LRRC7: variants seen among roughly 807,000 people sequenced by gnomAD.
The protein encoded by LRRC7 is leucine rich repeat containing 7.
In LRRC7, 23 loss-of-function variants were observed where a neutral mutation model predicts 175.7. That is an observed-to-expected ratio of 0.13 (90% CI 0.09 to 0.19). The LOEUF (loss-of-function observed/expected upper bound fraction) is 0.19, where lower values mean the gene tolerates loss of function less well. LRRC7 is among the 10% of genes least tolerant of loss of function. LRRC7 has a pLI of 1.00. For missense variants in LRRC7, 1,354 were observed against 1,904.7 expected, an observed-to-expected ratio of 0.71 and a Z score of 5.38; for synonymous variants, 685 against 680.9, an observed-to-expected ratio of 1.01 and a Z score of -0.09.
rs112290530 is a variant in LRRC7, at chr1:69,975,452, C to T, written c.712-4927C>T. Among the ~76,000 whole-genome samples the T allele has an allele frequency of 4.2e-3, 645 of 152,274 alleles. 5 individuals are homozygous for T. The highest frequency in any genetic ancestry group is 0.015 in the African/African-American group (611 of 41,548). ...CTTCTTCCACTTCTGTCTGTCCCCT[C>T]GCTCCTGCTACACTCCTCTCCGACC... On this transcript the variant is annotated intron_variant, in intron 8 of 26. Coordinates refer to ENST00000651989, the MANE Select transcript of LRRC7 (RefSeq NM_001370785.2).
chr1:70,036,716 G>C (rs773524668), intron 20 of LRRC7, 92 bp downstream of exon 20: 7 of 1,355,626 alleles, frequency 5.2e-6, no homozygotes, highest in African/African-American at 1.5e-5. Context: ...AATTGTATTC[G>C]GCACACAAGT....
At chr1:69,631,003 A>T (rs570318274) in intron 1 of LRRC7, among the ~76,000 whole-genome samples, 34 of 152,104 alleles carry the variant, frequency 2.2e-4, no homozygotes, top group African/African-American at 8.2e-4. Flanking sequence ...GTGTACATTG[A>T]CTGCCTGCAC....
Position 70,090,551 on chromosome 1 carries a change from C to T in LRRC7, c.4545+732C>T, listed in dbSNP as rs146982247. On this transcript the variant is annotated intron_variant, in intron 25 of 26. Coordinates refer to ENST00000651989, the MANE Select transcript of LRRC7 (RefSeq NM_001370785.2). ...GTTTACCTGGAGCTATAGAACCTGCCCTGCTACCATCAGTGTTTAATACTC... is the reference window on the plus strand; with the variant it reads ...GTTTACCTGGAGCTATAGAACCTGCTCTGCTACCATCAGTGTTTAATACTC... Among the ~76,000 whole-genome samples the T allele has an allele frequency of 3.1e-3, 474 of 152,048 alleles. 3 individuals carry two copies. The highest frequency in any genetic ancestry group is 0.011 in the African/African-American group (440 of 41,460).
chr1:69,586,079 C>A (rs144196432), intron 1 of LRRC7, among the ~76,000 whole-genome samples: 1 of 152,252 alleles, frequency 6.6e-6, no homozygotes, highest in African/African-American at 2.4e-5. Flanking sequence ...GTACCAAGAG[C>A]TAGTCTGATA....
At chr1:69,817,676 G>A (rs1678760468) in intron 4 of LRRC7, among the ~76,000 whole-genome samples, 1 of 152,014 alleles carries the variant, frequency 6.6e-6, no homozygotes, top group Admixed American at 6.6e-5. Context: ...AAAGTCATTG[G>A]GATTTTGATA....
chr1:70,142,050 A>C lies in LRRC7; in HGVS notation c.*20163A>C, dbSNP rs1279909186. On this transcript the variant is annotated 3_prime_UTR_variant, in exon 27 of 27. Transcript: ENST00000651989. Reference sequence around the variant, plus strand: ...AGAATATTTCTTATTTAGTCAGGAAATCTTATGTAATATTTTTGGACGGTC... The same window carrying C: ...AGAATATTTCTTATTTAGTCAGGAACTCTTATGTAATATTTTTGGACGGTC... 3.3e-5 allele frequency: 5 copies of C among 152,110 alleles called. No homozygotes were observed. The highest frequency in any genetic ancestry group is 1.2e-4 in the African/African-American group (5 of 41,434). The allele number at this position is 152,110 out of a possible 1,614,324, so 9.4% of individuals were successfully genotyped here.
At chr1:69,907,948 T>C (rs1221312116) in intron 7 of LRRC7, among the ~76,000 whole-genome samples, 1 of 152,210 alleles carries the variant, frequency 6.6e-6, no homozygotes, top group Non-Finnish European at 1.5e-5. Flanking sequence ...AGGCTGTTAT[T>C]GATCTATTCA....
intron 2 of LRRC7, among the ~76,000 whole-genome samples, chr1:69,695,181 G>T (rs1190164795): frequency 6.6e-6 from 1 of 152,174 alleles, no homozygotes; most frequent in Non-Finnish European, 1.5e-5. Flanking sequence ...TGAGGAAATT[G>T]TTGGGAACTG....
intron 1 of LRRC7, among the ~76,000 whole-genome samples, chr1:69,648,806 T>C (rs1655368850): frequency 6.6e-6 from 1 of 152,222 alleles, no homozygotes; most frequent in Non-Finnish European, 1.5e-5. Flanking sequence ...GTGACAAATA[T>C]TTGAAGTGGT....
chr1:70,117,613 G>C (rs2102236539), intron 26 of LRRC7, among the ~76,000 whole-genome samples: 1 of 152,278 alleles, frequency 6.6e-6, no homozygotes, highest in Non-Finnish European at 1.5e-5. Flanking sequence ...TGGAAATAAT[G>C]TAATGATTAT....
At chr1:69,569,838 A>T (rs78454488) in intron 1 of LRRC7, among the ~76,000 whole-genome samples, 14,944 of 147,958 alleles carry the variant, frequency 0.1, 840 homozygotes, top group East Asian at 0.21. Context: ...ACTCCCAGGA[A>T]TCGGCTTCAG....
At chr1:69,711,989 C>T (rs1393311987) in intron 2 of LRRC7, among the ~76,000 whole-genome samples, 1 of 152,062 alleles carries the variant, frequency 6.6e-6, no homozygotes, top group African/African-American at 2.4e-5. Flanking sequence ...TCATCATTTA[C>T]ATATAATCAA....
In LRRC7 at chr1:70,053,071, G is replaced by T; in HGVS notation, c.4156G>T (p.Val1386Leu). 6.2e-7 allele frequency: 1 copy of T among 1,611,118 alleles called. No individual in the cohort carries two copies. The highest frequency in any genetic ancestry group is 1.1e-5 in the South Asian group (1 of 90,438). Residue 1386 changes from valine to leucine, a missense_variant, in exon 23 of 27, where the codon GTA (valine) becomes TTA (leucine). Physicochemically the swap from Val to Leu is conservative, Grantham distance 32. This residue lies in a region of LRRC7 where 1,032 missense variants were observed against 1,227.2 expected (regional missense o/e 0.84). Coordinates refer to ENST00000651989, the MANE Select transcript of LRRC7 (RefSeq NM_001370785.2). ...SNILDNGQED[V>L]SPSGQWNPYP... The stretch of plus-strand genomic sequence containing the variant: ...CATTTTAGACAATGGACAAGAAGAT[G>T]TATCTCCTAGTGGCCAATGGAATCC...
chr1:69,914,015 A>T (rs776153410), intron 7 of LRRC7, among the ~76,000 whole-genome samples: 2 of 152,250 alleles, frequency 1.3e-5, no homozygotes, highest in Non-Finnish European at 2.9e-5. Flanking sequence ...CACAGGACAC[A>T]GACTAAGCAA....
intron 7 of LRRC7, chr1:69,919,848 G>T: frequency 1.4e-6 from 1 of 693,638 alleles, no homozygotes; most frequent in Non-Finnish European, 2.5e-6. Context: ...TGAGGATTGG[G>T]GGCCCAGGCC....
At chr1:69,923,754 C>T (rs1261242044) in intron 7 of LRRC7, among the ~76,000 whole-genome samples, 1 of 151,930 alleles carries the variant, frequency 6.6e-6, no homozygotes, top group African/African-American at 2.4e-5. Flanking sequence ...TTGTGGGTTG[C>T]CTGTTCACTC....
At chr1:69,599,597 T>C (rs2100988205) in intron 1 of LRRC7, among the ~76,000 whole-genome samples, 1 of 152,328 alleles carries the variant, frequency 6.6e-6, no homozygotes, top group South Asian at 2.1e-4. Flanking sequence ...AGCAACATAC[T>C]ATAAGTGAAA....
chr1:70,035,426 C>T (rs1479092149), intron 18 of LRRC7, among the ~76,000 whole-genome samples: 1 of 151,854 alleles, frequency 6.6e-6, no homozygotes, highest in Admixed American at 6.6e-5. Context: ...GCTCGTTACA[C>T]TCAAAGAAGG....
chr1:69,801,108 T>C (rs1219027137), intron 4 of LRRC7, among the ~76,000 whole-genome samples: 2 of 151,766 alleles, frequency 1.3e-5, no homozygotes, highest in African/African-American at 4.8e-5. Context: ...TGATGTGCTA[T>C]TGGATTTTGT....
Sources: allele counts gnomAD v4.1 joint callset (sites outside exome capture counted in the v4.1 genomes callset), GRCh38; gene constraint gnomAD v4.1.1; regional missense constraint gnomAD v4.1.1; transcripts MANE v1.5; gene names NCBI Gene and HGNC (gene_info 2026-07-23, HGNC 2026-07-21).